Variants in IFT56 observed in about 807,000 individuals in gnomAD.
IFT56 encodes the protein intraflagellar transport protein 56.
the IFT56 span, among the ~76,000 whole-genome samples, chr7:139,180,097 G>A: frequency 6.6e-6 from 1 of 152,186 alleles, no homozygotes; most frequent in Non-Finnish European, 1.5e-5. Context: ...CAGCACTTTG[G>A]GAGGCCAAGG....
chr7:139,155,219 G>A, the IFT56 span, among the ~76,000 whole-genome samples: 1 of 152,000 alleles, frequency 6.6e-6, no homozygotes, highest in African/African-American at 2.4e-5. Context: ...CAGATTTTGG[G>A]GAGGATTTTC....
the IFT56 span, chr7:139,187,388 A>G: frequency 6.2e-7 from 1 of 1,613,526 alleles, no homozygotes; most frequent in Non-Finnish European, 8.5e-7. Flanking sequence ...GTATTACCAC[A>G]TACGTTCTCT....
the IFT56 span, chr7:139,187,322 C>G: frequency 6.6e-7 from 1 of 1,514,596 alleles, no homozygotes; most frequent in South Asian, 1.3e-5. Context: ...TTCATACAGT[C>G]CCGTTTCATG....
the IFT56 span, among the ~76,000 whole-genome samples, chr7:139,156,216 G>A: frequency 1.3e-5 from 2 of 151,972 alleles, no homozygotes; most frequent in Non-Finnish European, 2.9e-5. Flanking sequence ...TCTGATTCTA[G>A]TAAATTGAGT....
the IFT56 span, chr7:139,168,468 T>A: frequency 8.4e-7 from 1 of 1,183,464 alleles, no homozygotes; most frequent in South Asian, 1.2e-5. Context: ...AAAATGACTA[T>A]CAAAGTGCAA....
chr7:139,166,605 GTTCTTAGC>G, the IFT56 span, among the ~76,000 whole-genome samples: 2 of 152,028 alleles, frequency 1.3e-5, no homozygotes, highest in Non-Finnish European at 1.5e-5. Context: ...CCTCATCCAT[GTTCTTAGC>G]TTCAACAATT....
At chr7:139,172,792 A>G in the IFT56 span, 1 of 643,078 alleles carries the variant, frequency 1.6e-6, no homozygotes, top group Non-Finnish European at 3.0e-6. Flanking sequence ...GCTTCAGGAC[A>G]GGACCTCGTT....
the IFT56 span, among the ~76,000 whole-genome samples, chr7:139,134,086 G>A: frequency 6.6e-6 from 1 of 152,188 alleles, no homozygotes; most frequent in Non-Finnish European, 1.5e-5. Flanking sequence ...GGGATGGGAA[G>A]CAGAGGAAGG....
chr7:139,189,297 T>A, the IFT56 span: 1 of 1,499,704 alleles, frequency 6.7e-7, no homozygotes, highest in Non-Finnish European at 9.2e-7. Flanking sequence ...TGAAACACTT[T>A]GTCTTTTCAA....
At chr7:139,141,122 G>A in the IFT56 span, among the ~76,000 whole-genome samples, 2 of 151,238 alleles carry the variant, frequency 1.3e-5, no homozygotes, top group East Asian at 2.0e-4. Context: ...TTAGCCAGGC[G>A]TGGTGGCGGG....
the IFT56 span, chr7:139,173,127 T>C: frequency 1.5e-6 from 1 of 686,318 alleles, no homozygotes; most frequent in Non-Finnish European, 2.7e-6. Flanking sequence ...GTGGCATGGA[T>C]GGATTCAACA....
At chr7:139,166,008 A>G in the IFT56 span, among the ~76,000 whole-genome samples, 1 of 152,160 alleles carries the variant, frequency 6.6e-6, no homozygotes, top group Non-Finnish European at 1.5e-5. Context: ...CCCAGGCTGG[A>G]GTGCAGTGGC....
the IFT56 span, chr7:139,191,211 C>A: frequency 1.3e-5 from 2 of 152,152 alleles, no homozygotes; most frequent in Admixed American, 6.5e-5. Flanking sequence ...TAACTGAATT[C>A]TAGGAAGCAA....
chr7:139,179,542 A>G, the IFT56 span: 15 of 1,591,956 alleles, frequency 9.4e-6, no homozygotes, highest in Non-Finnish European at 1.2e-5. Context: ...AAGCATCCTC[A>G]TGTGTATTCC....
the IFT56 span, among the ~76,000 whole-genome samples, chr7:139,187,206 T>C: frequency 6.6e-6 from 1 of 152,044 alleles, no homozygotes; most frequent in East Asian, 1.9e-4. Flanking sequence ...TAGTTTAAAC[T>C]GAACCCATGT....
chr7:139,173,560 T>A, the IFT56 span: 1 of 795,498 alleles, frequency 1.3e-6, no homozygotes, highest in Non-Finnish European at 2.3e-6. Context: ...TTTGTTCATA[T>A]GGATAGAGTA....
chr7:139,172,879 G>T, the IFT56 span: 1 of 695,862 alleles, frequency 1.4e-6, no homozygotes, highest in East Asian at 3.1e-5. Flanking sequence ...AGGAATAGGT[G>T]AAGACAATCT....
At chr7:139,165,244 A>C in the IFT56 span, 1 of 1,598,854 alleles carries the variant, frequency 6.3e-7, no homozygotes, top group Non-Finnish European at 8.6e-7. Context: ...GGTAAGAAAA[A>C]TTTGTCCTGG....
At chr7:139,139,803 C>G in the IFT56 span, 1 of 799,944 alleles carries the variant, frequency 1.3e-6, no homozygotes, top group Non-Finnish European at 2.0e-6. Context: ...TGCTTAATCT[C>G]AGTATGAAAT....
Sources: gnomAD v4.1 joint callset for allele counts (sites outside exome capture counted in the v4.1 genomes callset) on GRCh38, gnomAD v4.1.1 for gene constraint, MANE v1.5 for transcripts, NCBI Gene and HGNC (gene_info 2026-07-23, HGNC 2026-07-21) for gene names.